Variants in SPOCK1 observed in about 807,000 individuals in gnomAD.
SPOCK1 encodes the protein SPARC (osteonectin), cwcv and kazal like domains proteoglycan 1.
SPOCK1 carries 23 observed loss-of-function variants against 55.3 expected under a neutral mutation model. The observed-to-expected ratio is 0.42, with a 90% CI of 0.30 to 0.59. The LOEUF is 0.59. SPOCK1 is among the 20% of genes least tolerant of loss of function. The pLI, the probability that SPOCK1 is intolerant of heterozygous loss-of-function variation, is 0.22. For synonymous variants in SPOCK1, 226 were observed against 221.0 expected (o/e 1.02, Z -0.20); for missense variants, 499 against 552.5 (o/e 0.90, Z 0.97).
intron 2 of SPOCK1, among the ~76,000 whole-genome samples, chr5:137,418,155 T>C (rs924450600): frequency 3.9e-5 from 6 of 152,190 alleles, no homozygotes; most frequent in African/African-American, 1.4e-4. Context: ...TATGGCTGCA[T>C]AGTATTCCAT....
chr5:137,420,244 G>T (rs1462882503), intron 2 of SPOCK1, among the ~76,000 whole-genome samples: 1 of 152,144 alleles, frequency 6.6e-6, no homozygotes, highest in Non-Finnish European at 1.5e-5. Flanking sequence ...CAGGGATATT[G>T]GTCTAAAATT....
intron 6 of SPOCK1, among the ~76,000 whole-genome samples, chr5:137,027,986 G>A (rs1561584302): frequency 1.3e-5 from 2 of 152,136 alleles, no homozygotes; most frequent in Non-Finnish European, 2.9e-5. Context: ...CCAAACTGCT[G>A]TGCCCTTCAG....
chr5:137,157,732 T>C (rs549783399), intron 3 of SPOCK1, among the ~76,000 whole-genome samples: 16 of 152,332 alleles, frequency 1.1e-4, no homozygotes, highest in Admixed American at 2.0e-4. Context: ...GGTTGGTCAC[T>C]AGGATTCTGG....
chr5:137,423,989 A>T (rs1752555557), intron 2 of SPOCK1, among the ~76,000 whole-genome samples: 1 of 151,504 alleles, frequency 6.6e-6, no homozygotes, highest in Non-Finnish European at 1.5e-5. Flanking sequence ...GTGAAGATTC[A>T]TTTTTTTTTT....
At chr5:137,494,733 G>A (rs1319137146) in intron 2 of SPOCK1, among the ~76,000 whole-genome samples, 1 of 152,178 alleles carries the variant, frequency 6.6e-6, no homozygotes, top group African/African-American at 2.4e-5. Flanking sequence ...TGAAAGAAGA[G>A]ATTACATGTA....
At chr5:137,407,902 C>G (rs1022517866) in intron 2 of SPOCK1, among the ~76,000 whole-genome samples, 1 of 152,186 alleles carries the variant, frequency 6.6e-6, no homozygotes, top group Non-Finnish European at 1.5e-5. Context: ...TGCTTCCAAG[C>G]CACAGGGCCC....
At chr5:137,138,323 A>T (rs1399709884) in intron 4 of SPOCK1, among the ~76,000 whole-genome samples, 1 of 152,176 alleles carries the variant, frequency 6.6e-6, no homozygotes, top group African/African-American at 2.4e-5. Context: ...GAAACACGGC[A>T]TGCCCAGAAA....
intron 3 of SPOCK1, among the ~76,000 whole-genome samples, chr5:137,183,791 T>C (rs1755015747): frequency 6.6e-6 from 1 of 152,152 alleles, no homozygotes; most frequent in Admixed American, 6.5e-5. Flanking sequence ...TCTCAGGAAC[T>C]CCTCATCAGC....
At chr5:137,237,049 T>G (rs149435757) in intron 3 of SPOCK1, among the ~76,000 whole-genome samples, 1 of 152,316 alleles carries the variant, frequency 6.6e-6, no homozygotes, top group East Asian at 1.9e-4. Context: ...CTATAATGAC[T>G]TCACCCAATT....
intron 3 of SPOCK1, among the ~76,000 whole-genome samples, chr5:137,254,704 G>A (rs748966915): frequency 2.6e-5 from 4 of 152,224 alleles, no homozygotes; most frequent in Non-Finnish European, 5.9e-5. Context: ...GAAGAATACT[G>A]ACATTCTTAA....
chr5:137,141,169 G>A (rs1370313879), intron 3 of SPOCK1, among the ~76,000 whole-genome samples: 1 of 152,208 alleles, frequency 6.6e-6, no homozygotes, highest in Non-Finnish European at 1.5e-5. Context: ...GCCCAAGCCA[G>A]GGGAAATTCT....
rs1009592509 is a variant in SPOCK1 at position 137,422,069 on chromosome 5, C to G, written c.186+76304G>C. On this transcript the variant is annotated intron_variant, in intron 2 of 10. Coordinates refer to ENST00000394945, the MANE Select transcript of SPOCK1 (RefSeq NM_004598.4). ...CCTTCACTTATGAAGCTCAGTTTGG[C>G]TGGATGTGAAATTCTGAGTTGAAAA... Among the ~76,000 whole-genome samples, 3 of 152,220 alleles carry G rather than the reference C, an allele frequency of 2.0e-5. No homozygotes were observed. In the East Asian group the frequency reaches 5.8e-4, roughly 29 times the overall value.
At chr5:137,287,297 C>T (rs988306) in intron 2 of SPOCK1, among the ~76,000 whole-genome samples, 71,914 of 152,026 alleles carry the variant, frequency 0.47, 17,222 homozygotes, top group Admixed American at 0.49. Context: ...TCCTCCTAGA[C>T]TCAGACCTTC....
At chr5:136,985,258 T>C in intron 8 of SPOCK1, 56 bp from the exon 9 acceptor site, 1 of 1,477,384 alleles carries the variant, frequency 6.8e-7, no homozygotes. Flanking sequence ...TAATCGCTAA[T>C]GATTGACTTC....
intron 3 of SPOCK1, among the ~76,000 whole-genome samples, chr5:137,144,644 T>C (rs1334046816): frequency 6.6e-6 from 1 of 152,178 alleles, no homozygotes; most frequent in African/African-American, 2.4e-5. Flanking sequence ...AAATACGTTT[T>C]ACCTAGCAGC....
intron 4 of SPOCK1, among the ~76,000 whole-genome samples, chr5:137,112,900 G>A (rs182290906): frequency 1.3e-5 from 2 of 151,366 alleles, no homozygotes; most frequent in Non-Finnish European, 2.9e-5. Flanking sequence ...AATACCGTAT[G>A]TGGCATATCA....
intron 10 of SPOCK1, among the ~76,000 whole-genome samples, chr5:136,979,107 T>C (rs750505723): frequency 1.3e-5 from 2 of 152,158 alleles, no homozygotes; most frequent in Non-Finnish European, 2.9e-5. Context: ...AAGTCACCCT[T>C]TGTCTGCAGC....
At chr5:137,302,432 C>A (rs1404990928) in intron 2 of SPOCK1, among the ~76,000 whole-genome samples, 1 of 138,510 alleles carries the variant, frequency 7.2e-6, no homozygotes, top group Non-Finnish European at 1.6e-5. Flanking sequence ...AAAAAATTAG[C>A]CAGGTGTGGT....
chr5:137,242,843 G>A (rs937257295), intron 3 of SPOCK1, among the ~76,000 whole-genome samples: 14 of 152,236 alleles, frequency 9.2e-5, no homozygotes, highest in African/African-American at 2.9e-4. Context: ...AAAGCAGGGC[G>A]GAGAACATTG....
Sources: gnomAD v4.1 joint callset for allele counts (sites outside exome capture counted in the v4.1 genomes callset) on GRCh38, gnomAD v4.1.1 for gene constraint, MANE v1.5 for transcripts, NCBI Gene and HGNC (gene_info 2026-07-23, HGNC 2026-07-21) for gene names.